MIB1: variants seen among roughly 807,000 people sequenced by gnomAD.
MIB1 encodes MIB E3 ubiquitin protein ligase 1, also known as E3 ubiquitin-protein ligase MIB1.
In MIB1, 278 loss-of-function variants were observed where a neutral mutation model predicts 124.5. The ratio of observed to expected loss-of-function variants is 2.23; its 90% CI spans 2.02 to 2.47. The LOEUF is 2.47. Among genes scored for constraint, MIB1 ranks in the 30% most tolerant of loss-of-function variants. The pLI, the probability that MIB1 is intolerant of heterozygous loss-of-function variation, is 0.00. For missense variants in MIB1, 957 were observed against 1,254.4 expected, an observed-to-expected ratio of 0.76 and a Z score of 3.58; for synonymous variants, 446 against 429.4, an observed-to-expected ratio of 1.04 and a Z score of -0.48.
intron 1 of MIB1, among the ~76,000 whole-genome samples, chr18:21,712,764 C>T (rs1015028752): frequency 6.6e-6 from 1 of 152,148 alleles, no homozygotes; most frequent in African/African-American, 2.4e-5. Flanking sequence ...GTACCTGGAC[C>T]TATGACCCAT....
intron 16 of MIB1, 64 bp downstream of exon 16, chr18:21,847,189 A>G: frequency 7.4e-7 from 1 of 1,349,684 alleles, no homozygotes; most frequent in Non-Finnish European, 1.0e-6. Flanking sequence ...TGGTTTCGTA[A>G]TGGAGGACGT....
chr18:21,736,742 C>T (rs560592277), upstream of MIB1, among the ~76,000 whole-genome samples: 2 of 152,098 alleles, frequency 1.3e-5, no homozygotes, highest in South Asian at 2.1e-4. Context: ...ATAGCTGAAT[C>T]GATCAAGTGG....
At chr18:21,765,583 A>G (rs2041147291) in intron 1 of MIB1, among the ~76,000 whole-genome samples, 189 bp from the exon 2 acceptor site, 1 of 152,218 alleles carries the variant, frequency 6.6e-6, no homozygotes, top group Non-Finnish European at 1.5e-5. Context: ...GAAAATATAT[A>G]TAATTCGCAT....
At chr18:21,792,317 C>T (rs1431131971) in intron 7 of MIB1, among the ~76,000 whole-genome samples, 3 of 152,092 alleles carry the variant, frequency 2.0e-5, no homozygotes, top group Non-Finnish European at 2.9e-5. Flanking sequence ...CCATCCTGTC[C>T]CATGTACTTC....
intron 13 of MIB1, among the ~76,000 whole-genome samples, chr18:21,839,936 T>G (rs2042067371): frequency 6.6e-6 from 1 of 152,196 alleles, no homozygotes; most frequent in South Asian, 2.1e-4. Flanking sequence ...ACCCCTGTAA[T>G]GCCAGCTACT....
chr18:21,858,021 C>T (rs1366695284), intron 19 of MIB1, among the ~76,000 whole-genome samples: 1 of 152,206 alleles, frequency 6.6e-6, no homozygotes, highest in Non-Finnish European at 1.5e-5. Context: ...TCCATGTTTG[C>T]ATACTACAGA....
chr18:21,812,043 A>G (rs771093408), intron 10 of MIB1, among the ~76,000 whole-genome samples: 7 of 152,198 alleles, frequency 4.6e-5, no homozygotes, highest in Non-Finnish European at 8.8e-5. Context: ...CCCACAGCCA[A>G]GTAAAAAAGA....
Position 21,748,606 on chromosome 18 carries a change from T to G in MIB1, c.229+6794T>G, listed in dbSNP as rs1401615733. ...CACCATGCACAGCTAATTTGTGTAT[T>G]TTTTTGTAGAGATAGGGTCCTGCCG... On this transcript the variant is annotated intron_variant, in intron 1 of 20. Transcript: ENST00000261537. Among the ~76,000 whole-genome samples the G allele has an allele frequency of 5.3e-5, 8 of 151,642 alleles. No individual in the cohort carries two copies. The East Asian group carries it at 1.6e-3, about 30-fold the overall frequency.
chr18:21,826,556 C>T (rs1422297139), intron 12 of MIB1: 1 of 151,992 alleles, frequency 6.6e-6, no homozygotes, highest in Non-Finnish European at 1.5e-5. Context: ...CTTAGTAATA[C>T]ATGGTGGTTA....
At chr18:21,839,448 C>T (rs752405631) in intron 13 of MIB1, among the ~76,000 whole-genome samples, 3 of 152,170 alleles carry the variant, frequency 2.0e-5, no homozygotes, top group Non-Finnish European at 4.4e-5. Flanking sequence ...ATTAAATCCT[C>T]TTTCTTTGTC....
chr18:21,856,807 C>CT (rs893033153), intron 18 of MIB1, among the ~76,000 whole-genome samples: 3 of 152,188 alleles, frequency 2.0e-5, no homozygotes, highest in African/African-American at 7.2e-5. Flanking sequence ...TCAATAGTAT[C>CT]TCTCTCCTTT....
chr18:21,848,522 G>C (rs1485586370), intron 16 of MIB1, among the ~76,000 whole-genome samples: 1 of 152,124 alleles, frequency 6.6e-6, no homozygotes, highest in Non-Finnish European at 1.5e-5. Flanking sequence ...TTAAACAATG[G>C]AGTCTAAGGT....
intron 3 of MIB1, among the ~76,000 whole-genome samples, chr18:21,769,362 C>T (rs2041199944): frequency 1.3e-5 from 2 of 152,170 alleles, no homozygotes; most frequent in South Asian, 4.1e-4. Context: ...GAACGTGAGT[C>T]AGGCTCACTT....
chr18:21,810,706 T>TA (rs2041762994), intron 10 of MIB1, among the ~76,000 whole-genome samples: 1 of 151,556 alleles, frequency 6.6e-6, no homozygotes, highest in Admixed American at 6.6e-5. Flanking sequence ...GTAGGAACCT[T>TA]ACCTAACACT....
chr18:21,817,768 C>A, intron 11 of MIB1: 1 of 388,208 alleles, frequency 2.6e-6, no homozygotes, highest in Non-Finnish European at 5.1e-6. Flanking sequence ...TTTCATATTC[C>A]TGTAGCTTCT....
chr18:21,791,693 G>T (rs1023718935), intron 7 of MIB1, 136 bp downstream of exon 7: 9 of 610,358 alleles, frequency 1.5e-5, no homozygotes, highest in Non-Finnish European at 2.1e-5. Flanking sequence ...AGACATACTC[G>T]TGCATTTTGT....
At chr18:21,739,933 A>AG, upstream of MIB1, among the ~76,000 whole-genome samples, 1 of 147,068 alleles carries the variant, frequency 6.8e-6, no homozygotes, top group African/African-American at 2.6e-5. Flanking sequence ...CAAAAAAAAA[A>AG]ACAACAACAA....
intron 18 of MIB1, chr18:21,855,108 A>T (rs574438097): frequency 6.6e-6 from 1 of 152,390 alleles, no homozygotes; most frequent in African/African-American, 2.4e-5. Context: ...AGGCATTTTA[A>T]TCTCTTTTTG....
chr18:21,827,909 T>G (rs1175190324), intron 12 of MIB1: 2 of 152,020 alleles, frequency 1.3e-5, no homozygotes, highest in African/African-American at 4.8e-5. Flanking sequence ...GTGTAAATAT[T>G]TCAGTTGAAA....
Sources: gnomAD v4.1 joint callset for allele counts (sites outside exome capture counted in the v4.1 genomes callset) on GRCh38, gnomAD v4.1.1 for gene constraint, MANE v1.5 for transcripts, NCBI Gene and HGNC (gene_info 2026-07-23, HGNC 2026-07-21) for gene names.